The following DOCK1 variants were observed in gnomAD, a reference collection of about 807,000 sequenced individuals.
DOCK1 encodes dedicator of cytokinesis protein 1.
DOCK1 carries 138 observed loss-of-function variants against 262.7 expected under a neutral mutation model. The ratio of observed to expected loss-of-function variants is 0.53; its 90% CI spans 0.46 to 0.61. DOCK1 has a LOEUF of 0.61. DOCK1 is among the 20% of genes least tolerant of loss of function. The pLI, the probability that DOCK1 is intolerant of heterozygous loss-of-function variation, is 0.00. For synonymous variants in DOCK1, 866 were observed against 867.4 expected, an observed-to-expected ratio of 1.00 and a Z score of 0.03; for missense variants, 1,908 against 2,370.7, an observed-to-expected ratio of 0.80 and a Z score of 4.05.
At chr10:127,211,908 G>T (rs909861926) in intron 27 of DOCK1, among the ~76,000 whole-genome samples, 1 of 152,180 alleles carries the variant, frequency 6.6e-6, no homozygotes, top group Admixed American at 6.5e-5. Context: ...TGCATGTTCC[G>T]AAAGCTCTGC....
At chr10:126,954,440 A>G (rs1400510069) in intron 1 of DOCK1, among the ~76,000 whole-genome samples, 5 of 152,232 alleles carry the variant, frequency 3.3e-5, no homozygotes, top group Admixed American at 2.6e-4. Context: ...TATATAACCT[A>G]AAATTTCCCA....
At chr10:127,178,248 A>G (rs1564875091) in intron 27 of DOCK1, among the ~76,000 whole-genome samples, 1 of 152,362 alleles carries the variant, frequency 6.6e-6, no homozygotes, top group East Asian at 1.9e-4. Context: ...CAAATTCTTC[A>G]TACATTATGC....
chr10:127,397,740 ACTCCTGT>A (rs1565059060), intron 38 of DOCK1, among the ~76,000 whole-genome samples: 2 of 99,132 alleles, frequency 2.0e-5, no homozygotes, highest in African/African-American at 8.4e-5. Flanking sequence ...CCGGGCAGCG[ACTCCTGT>A]ATGACACGGG....
chr10:127,224,722 A>G (rs2058573698), intron 27 of DOCK1, among the ~76,000 whole-genome samples: 1 of 152,018 alleles, frequency 6.6e-6, no homozygotes, highest in African/African-American at 2.4e-5. Context: ...CCTGTCTCAA[A>G]AAAAAGAAAA....
intron 27 of DOCK1, among the ~76,000 whole-genome samples, chr10:127,157,452 T>C (rs2053192159): frequency 6.6e-6 from 1 of 152,254 alleles, no homozygotes. Flanking sequence ...GTTTTTCTTA[T>C]AGGTGGTTGA....
intron 27 of DOCK1, among the ~76,000 whole-genome samples, chr10:127,172,598 A>C (rs2054680837): frequency 6.6e-6 from 1 of 152,130 alleles, no homozygotes; most frequent in Admixed American, 6.5e-5. Context: ...GTGGCCTTGA[A>C]TTTTGGAGCC....
At chr10:127,424,808 G>T (rs553707900) in intron 46 of DOCK1, among the ~76,000 whole-genome samples, 40 of 152,310 alleles carry the variant, frequency 2.6e-4, no homozygotes, top group African/African-American at 8.9e-4. Flanking sequence ...TGTGCCTAGG[G>T]TTTGGGGCCA....
At chr10:127,055,537 A>G (rs182708093) in intron 22 of DOCK1, among the ~76,000 whole-genome samples, 110 of 152,348 alleles carry the variant, frequency 7.2e-4, no homozygotes, top group African/African-American at 2.5e-3. Flanking sequence ...GCTTTCTACA[A>G]TACCAGAGTG....
intron 27 of DOCK1, among the ~76,000 whole-genome samples, chr10:127,209,108 T>C (rs971170195): frequency 6.6e-6 from 1 of 152,186 alleles, no homozygotes; most frequent in African/African-American, 2.4e-5. Flanking sequence ...AACACTGAAA[T>C]TTATTTGATG....
chr10:127,149,284 C>T (rs1381863183), intron 27 of DOCK1, among the ~76,000 whole-genome samples: 1 of 152,180 alleles, frequency 6.6e-6, no homozygotes, highest in East Asian at 1.9e-4. Context: ...AGAAGCTCAG[C>T]CCTAACCTTG....
At chr10:127,156,947 C>T (rs1028193852) in intron 27 of DOCK1, among the ~76,000 whole-genome samples, 6 of 152,120 alleles carry the variant, frequency 3.9e-5, no homozygotes, top group Middle Eastern at 3.2e-3. Flanking sequence ...TCCTCCATTA[C>T]GGTCAGTAAG....
At chr10:127,449,060 G>C (rs1000256045) in intron 51 of DOCK1, among the ~76,000 whole-genome samples, 2 of 152,112 alleles carry the variant, frequency 1.3e-5, no homozygotes, top group African/African-American at 2.4e-5. Context: ...ATTTAAACAG[G>C]CTCCCTCTCC....
chr10:127,407,037 G>A lies in DOCK1; in HGVS notation c.4123-2000G>A, dbSNP rs149150589. On this transcript the variant is annotated intron_variant, in intron 40 of 51. Coordinates refer to ENST00000623213, the MANE Select transcript of DOCK1 (RefSeq NM_001290223.2). Reference sequence around the variant, plus strand: ...TGCTTGACTTTTTTTTTTCGGGGGGGCGGTGGGGAGAAATAGAGCATTTTT... The same window carrying A: ...TGCTTGACTTTTTTTTTTCGGGGGGACGGTGGGGAGAAATAGAGCATTTTT... Among the ~76,000 whole-genome samples, 31 of 151,830 alleles carry A rather than the reference G, an allele frequency of 2.0e-4. No individual in the cohort carries two copies. In the East Asian group the frequency reaches 6.0e-3, roughly 29 times the overall value.
intron 48 of DOCK1, among the ~76,000 whole-genome samples, chr10:127,435,343 A>G (rs1206986747): frequency 1.3e-5 from 2 of 152,204 alleles, no homozygotes; most frequent in Non-Finnish European, 2.9e-5. Flanking sequence ...CACAGAAACA[A>G]ACTTCCAGAG....
At position 127,447,407 on chromosome 10, in the gene DOCK1, CG is replaced by C; in HGVS notation, c.5429del (p.Gly1810AlafsTer2). 1.2e-6 allele frequency: 2 copies of C among 1,612,614 alleles called. No individual in the cohort carries two copies. On this transcript the variant is annotated frameshift_variant, in exon 51 of 52. Coordinates refer to ENST00000623213, the MANE Select transcript of DOCK1 (RefSeq NM_001290223.2). LOFTEE classifies it high-confidence loss of function. Reference sequence around the variant, plus strand: ...CCGGTTTTCCAGGCTTGGAGCTGAACGGCATGACGGGGGCGGACGTGGCCGA... The same window carrying C: ...CCGGTTTTCCAGGCTTGGAGCTGAACGCATGACGGGGGCGGACGTGGCCGA... ...FSMQSSLELN[G>X]MTGADVADVP...
intron 40 of DOCK1, among the ~76,000 whole-genome samples, chr10:127,408,696 C>A (rs184210758): frequency 3.9e-5 from 6 of 152,218 alleles, no homozygotes; most frequent in Admixed American, 6.5e-5. Context: ...CCCCTTCTAA[C>A]CATTTCATGC....
intron 22 of DOCK1, among the ~76,000 whole-genome samples, chr10:127,056,007 T>C (rs1429644902): frequency 6.6e-6 from 1 of 152,186 alleles, no homozygotes; most frequent in African/African-American, 2.4e-5. Flanking sequence ...GTTTCTTTGC[T>C]GGTATAACTT....
chr10:127,067,519 ATG>A lies in DOCK1; in HGVS notation c.2445+5755_2445+5756del, dbSNP rs143664474. Among the ~76,000 whole-genome samples, 1,475 of 151,646 alleles carry A rather than the reference ATG, an allele frequency of 9.7e-3. 22 individuals are homozygous for A. The highest frequency in any genetic ancestry group is 0.034 in the African/African-American group (1,403 of 41,346). On this transcript the variant is annotated intron_variant, in intron 23 of 51. Transcript: ENST00000623213. Reference sequence around the variant, plus strand: ...GTGTGAGTGTGTCTGTGTGCATTGTATGTGTGTGTGTGTATGTGTGCGTGTGT... The same window carrying A: ...GTGTGAGTGTGTCTGTGTGCATTGTATGTGTGTGTGTATGTGTGCGTGTGT...
intron 27 of DOCK1, among the ~76,000 whole-genome samples, chr10:127,241,193 C>A (rs1011871598): frequency 1.3e-4 from 20 of 152,096 alleles, no homozygotes; most frequent in African/African-American, 4.6e-4. Flanking sequence ...GCGTGGCATA[C>A]CTCTAGTCCC....
Sources: gnomAD v4.1 joint callset for allele counts (sites outside exome capture counted in the v4.1 genomes callset) on GRCh38, gnomAD v4.1.1 for gene constraint, MANE v1.5 for transcripts, NCBI Gene and HGNC (gene_info 2026-07-23, HGNC 2026-07-21) for gene names.